TRMT1: variants seen among roughly 807,000 people sequenced by gnomAD.
TRMT1 encodes the protein tRNA (guanine(26)-N(2))-dimethyltransferase.
A neutral mutation model predicts 75.4 loss-of-function variants in TRMT1; 63 were observed. The ratio of observed to expected loss-of-function variants is 0.84; its 90% confidence interval spans 0.68 to 1.03. The LOEUF is 1.03. Ranked by LOEUF, TRMT1 falls within the 50% of genes least tolerant of loss-of-function variation. The pLI is 0.00. For synonymous variants in TRMT1, 382 were observed against 358.1 expected, an observed-to-expected ratio of 1.07 and a Z score of -0.75; for missense variants, 870 against 905.3, an observed-to-expected ratio of 0.96 and a Z score of 0.50.
intron 1 of TRMT1, 61 bp from the exon 2 acceptor site, chr19:13,116,492 G>T: frequency 6.7e-7 from 1 of 1,496,590 alleles, no homozygotes; most frequent in Non-Finnish European, 8.9e-7. Context: ...CGGGCCCGGG[G>T]ATGTCCTACA....
At chr19:13,107,118 G>A (rs2018910518) in intron 14 of TRMT1, among the ~76,000 whole-genome samples, 1 of 148,754 alleles carries the variant, frequency 6.7e-6, no homozygotes, top group Non-Finnish European at 1.5e-5. Flanking sequence ...CTACAGGCAT[G>A]AGCCACCGCA....
chr19:13,113,078 T>C (rs1288546445), intron 5 of TRMT1, 67 bp from the exon 6 acceptor site: 47 of 1,268,070 alleles, frequency 3.7e-5, no homozygotes, highest in Admixed American at 1.2e-4. Context: ...CCTACACATA[T>C]TAACTCGTAC....
At chr19:13,107,543 C>A (rs1413833271) in intron 14 of TRMT1, 31 bp downstream of exon 14, 11 of 1,576,480 alleles carry the variant, frequency 7.0e-6, no homozygotes, top group Non-Finnish European at 9.5e-6. Context: ...TGTGGGCAGC[C>A]CTGGCCGCTC....
chr19:13,110,588 G>A (rs906645169), intron 7 of TRMT1, among the ~76,000 whole-genome samples: 18 of 152,248 alleles, frequency 1.2e-4, no homozygotes, highest in African/African-American at 4.3e-4. Context: ...CATTATCGGT[G>A]TGCCATGTGG....
Position 13,105,039 on chromosome 19 carries a change from G to A in TRMT1, c.1876C>T (p.Pro626Ser). The change falls in exon 17 of 17, where the codon CCC becomes TCC. Residue 626 changes from proline (P) to serine (S), a missense_variant. Coordinates refer to ENST00000357720, the MANE Select transcript of TRMT1 (RefSeq NM_001136035.4). ...RGDQCCYSHSPPTPRVSADAA... is the reference protein window; with the variant it reads ...RGDQCCYSHSSPTPRVSADAA... ...TCAGCAGAAACCCTGGGTGTCGGGG[G>A]GCTGTGGGAGTAGCAGCACTGGTCC... 6.2e-7 allele frequency: 1 copy of A among 1,609,000 alleles called. No homozygotes were observed. The highest frequency in any genetic ancestry group is 8.5e-7 in the Non-Finnish European group (1 of 1,177,168).
chr19:13,108,650 A>G (rs1048621254), intron 12 of TRMT1, among the ~76,000 whole-genome samples: 10 of 151,472 alleles, frequency 6.6e-5, no homozygotes, highest in African/African-American at 1.2e-4. Context: ...TCTGTTGCCC[A>G]GGTTGATGTG....
intron 14 of TRMT1, among the ~76,000 whole-genome samples, chr19:13,107,016 T>G (rs2018905385): frequency 6.8e-6 from 1 of 147,160 alleles, no homozygotes; most frequent in Non-Finnish European, 1.5e-5. Context: ...TTTTGTATTT[T>G]TAGTAGAGAC....
Position 13,116,184 on chromosome 19 carries a change from G to T in TRMT1, c.216C>A (p.Val72=), listed in dbSNP as rs2019345420. The part of the protein sequence containing the change: ...AKIAFPSANE[V]FYNPVQEFNR... ...TGAATTCCTGCACCGGGTTATAAAAGACCTCGTTGGCACTGGGAAAGGCGA... is the reference window on the plus strand; with the variant it reads ...TGAATTCCTGCACCGGGTTATAAAATACCTCGTTGGCACTGGGAAAGGCGA... The change falls in exon 2 of 17, where the codon GTC becomes GTA. Residue 72 remains valine (V), a synonymous_variant. Coordinates refer to ENST00000357720, the MANE Select transcript of TRMT1 (RefSeq NM_001136035.4). 6.2e-7 allele frequency: 1 copy of T among 1,614,020 alleles called. No individual in the cohort carries two copies. Among genetic ancestry groups the T allele is most frequent in the African/African-American group, 1.3e-5 (1 of 74,908 alleles).
chr19:13,107,812 C>T lies in TRMT1; in HGVS notation c.1445G>A (p.Cys482Tyr), dbSNP rs1341094248. The T allele has an allele frequency of 4.5e-6, 7 of 1,552,138 alleles. No homozygotes were observed. The highest frequency in any genetic ancestry group is 2.0e-5 in the Admixed American group (1 of 51,020). The stretch of plus-strand genomic sequence containing the variant: ...GGCATCCGTCTTCACAGCGTTCTTA[C>T]AGGCGTGGGAGAGTGAGACCCGGAA... ...ADFRVSLSHA[C>Y]KNAVKTDAPA... The change falls in exon 13 of 17, where the codon TGT becomes TAT. Residue 482 changes from cysteine to tyrosine, a missense_variant. By Grantham distance (194) the Cys-to-Tyr change is radical. Coordinates refer to ENST00000357720, the MANE Select transcript of TRMT1 (RefSeq NM_001136035.4).
chr19:13,108,173 T>C (rs974983193), intron 12 of TRMT1, among the ~76,000 whole-genome samples: 4 of 151,708 alleles, frequency 2.6e-5, no homozygotes, highest in African/African-American at 7.3e-5. Context: ...GTATTTTTAG[T>C]AGAGACAGGG....
In TRMT1 at chr19:13,109,680, C is replaced by G. The variant is rs755782799; in HGVS notation, c.1181G>C (p.Gly394Ala). ...GATGGGCTCTGCCCACATGGGGCCACCAAGCTGGGGGCGCACCGGGGACAG... is the reference window on the plus strand; with the variant it reads ...GATGGGCTCTGCCCACATGGGGCCAGCAAGCTGGGGGCGCACCGGGGACAG... ...CEHCGQRHQL[G>A]GPMWAEPIHD... The change falls in exon 11 of 17, where the codon GGT (glycine) becomes GCT (alanine). Residue 394 changes from glycine to alanine, a missense_variant. Coordinates refer to ENST00000357720, the MANE Select transcript of TRMT1 (RefSeq NM_001136035.4). 51 of 1,613,800 alleles carry G rather than the reference C, an allele frequency of 3.2e-5. 1 individual carries two copies. The South Asian group carries it at 5.5e-4, about 17-fold the overall frequency.
At chr19:13,115,143 A>T in intron 5 of TRMT1, 136 bp downstream of exon 5, 4 of 925,794 alleles carry the variant, frequency 4.3e-6, no homozygotes, top group Non-Finnish European at 6.3e-6. Context: ...TAATTTTCTC[A>T]GTTGACAGAC....
chr19:13,112,503 C>T (rs1364336595), intron 7 of TRMT1, among the ~76,000 whole-genome samples: 1 of 152,194 alleles, frequency 6.6e-6, no homozygotes, highest in Admixed American at 6.5e-5. Flanking sequence ...AGCCACTGTC[C>T]CCAAATGACC....
rs143209460 is a variant in TRMT1 at position 13,110,187 on chromosome 19, G to T, written c.990C>A (p.Thr330=). 11 of 1,612,356 alleles carry T rather than the reference G, an allele frequency of 6.8e-6. No homozygotes were observed. The South Asian group carries it at 8.8e-5, about 13-fold the overall frequency. Residue 330 remains threonine, a synonymous_variant, in exon 8 of 17, where the codon ACC becomes ACA. Transcript: ENST00000357720. ...FYVRVFVRVF[T]GQAKVKASAS... ...CTGAGGCCTTGACCTTGGCCTGGCC[G>T]GTGAAGACACGGACAAAAACACGCA...
At chr19:13,116,539 C>T in intron 1 of TRMT1, 108 bp from the exon 2 acceptor site, 4 of 1,203,596 alleles carry the variant, frequency 3.3e-6, no homozygotes, top group Non-Finnish European at 3.4e-6. Flanking sequence ...CCTGCGGCCT[C>T]GGTAAGCTGA....
At position 13,116,092 on chromosome 19, in the gene TRMT1, C is replaced by G. The variant is rs369017798; in HGVS notation, c.255-40G>C. On this transcript the variant is annotated intron_variant, in intron 2 of 16. Coordinates refer to ENST00000357720, the MANE Select transcript of TRMT1 (RefSeq NM_001136035.4). ...AGGACTAGCTCATACCCCGCCCCCG[C>G]CATCCACACTGACCCACTAGCCGAT... 5.6e-6 allele frequency: 9 copies of G among 1,612,170 alleles called. No individual in the cohort carries two copies. In the African/African-American group the frequency reaches 9.4e-5, roughly 17 times the overall value.
In TRMT1 at chr19:13,112,953, G is replaced by T; in HGVS notation, c.700C>A (p.Pro234Thr). 1 of 1,613,938 alleles carries T rather than the reference G, an allele frequency of 6.2e-7. No homozygotes were observed. The highest frequency in any genetic ancestry group is 8.5e-7 in the Non-Finnish European group (1 of 1,179,928). ...SERFDVIDLD[P>T]YGSPATFLDA... ...AGGAAGGTGGCTGGGCTGCCATAGG[G>T]GTCCAGATCGATGACGTCAAACCTC... Residue 234 changes from proline (P) to threonine (T), a missense_variant, in exon 6 of 17, where the codon CCC becomes ACC. Coordinates refer to ENST00000357720, the MANE Select transcript of TRMT1 (RefSeq NM_001136035.4).
chr19:13,105,543 C>G lies in TRMT1; in HGVS notation c.1647G>C (p.Lys549Asn), dbSNP rs1199249818. Residue 549 changes from lysine (K) to asparagine (N), a missense_variant, in exon 15 of 17, where the codon AAG becomes AAC. Transcript: ENST00000357720. ...TGGCCTCCGGGTTAGCCTGGAAGCG[C>G]TTGAGTCCTCGCTGTCGGGAGCTGG... ...ANPSSRQRGLKRFQANPEANW... is the reference protein window; with the variant it reads ...ANPSSRQRGLNRFQANPEANW... 2.5e-6 allele frequency: 4 copies of G among 1,614,062 alleles called. No homozygotes were observed. The highest frequency in any genetic ancestry group is 2.5e-6 in the Non-Finnish European group (3 of 1,180,018).
intron 14 of TRMT1, among the ~76,000 whole-genome samples, chr19:13,107,371 C>G (rs2018922209): frequency 6.7e-6 from 1 of 150,338 alleles, no homozygotes; most frequent in African/African-American, 2.5e-5. Context: ...AACTCCTGAC[C>G]TCAGGTGATC....
Sources: allele counts gnomAD v4.1 joint callset (sites outside exome capture counted in the v4.1 genomes callset), GRCh38; gene constraint gnomAD v4.1.1; transcripts MANE v1.5; gene names NCBI Gene and HGNC (gene_info 2026-07-23, HGNC 2026-07-21).